The following KCTD21 variants were observed in gnomAD, a reference collection of about 807,000 sequenced individuals.
The protein encoded by KCTD21 is BTB/POZ domain-containing protein KCTD21.
KCTD21 carries 9 observed loss-of-function variants against 13.2 expected under a neutral mutation model. The ratio of observed to expected loss-of-function variants is 0.68; its 90% CI spans 0.41 to 1.19. KCTD21 has a LOEUF of 1.19. Ranked by LOEUF, KCTD21 falls within the 50% of genes most tolerant of loss-of-function variation. The pLI is 0.01. For missense variants in KCTD21, 303 were observed against 336.5 expected (o/e 0.90, Z 0.78); for synonymous variants, 142 against 137.4 (o/e 1.03, Z -0.23).
At chr11:78,179,553 C>A (rs1862555643) in intron 1 of KCTD21, among the ~76,000 whole-genome samples, 1 of 152,136 alleles carries the variant, frequency 6.6e-6, no homozygotes, top group Non-Finnish European at 1.5e-5. Context: ...AGAGCTCAGG[C>A]CTCATCCCTG....
chr11:78,187,478 C>A, intron 1 of KCTD21: 1 of 985,436 alleles, frequency 1.0e-6, no homozygotes, highest in Non-Finnish European at 1.2e-6. Flanking sequence ...ACCACGGAAT[C>A]TGGCACGGCA....
At chr11:78,174,827 TG>T in intron 1 of KCTD21, 1 of 375,862 alleles carries the variant, frequency 2.7e-6, no homozygotes, top group Non-Finnish European at 4.8e-6. Context: ...CCCTAAAGCC[TG>T]GGTCCCCCGC....
intron 1 of KCTD21, chr11:78,188,351 T>G: frequency 1.0e-6 from 1 of 983,822 alleles, no homozygotes; most frequent in Non-Finnish European, 1.2e-6. Context: ...CCGCCCTTGC[T>G]CTCCCAACAG....
intron 1 of KCTD21, among the ~76,000 whole-genome samples, chr11:78,182,304 C>CT (rs1862650103): frequency 7.0e-6 from 1 of 143,384 alleles, no homozygotes; most frequent in African/African-American, 2.6e-5. Context: ...AGCACCCCCC[C>CT]CCCCTCAAAA....
At chr11:78,182,070 G>A (rs548556184) in intron 1 of KCTD21, among the ~76,000 whole-genome samples, 9 of 152,306 alleles carry the variant, frequency 5.9e-5, no homozygotes, top group African/African-American at 2.2e-4. Flanking sequence ...CTTGCACTCA[G>A]GGGAGGGGTT....
At chr11:78,179,769 G>C (rs1017595273) in intron 1 of KCTD21, among the ~76,000 whole-genome samples, 3 of 152,036 alleles carry the variant, frequency 2.0e-5, no homozygotes, top group African/African-American at 7.3e-5. Context: ...GCTGTCCCTA[G>C]ACCACCCCTG....
chr11:78,180,592 T>C (rs1289535809), intron 1 of KCTD21, among the ~76,000 whole-genome samples: 1 of 152,218 alleles, frequency 6.6e-6, no homozygotes, highest in African/African-American at 2.4e-5. Context: ...CATGAAAAGA[T>C]GGTCAATATC....
chr11:78,173,534 T>G lies in KCTD21; in HGVS notation c.*238A>C. On this transcript the variant is annotated 3_prime_UTR_variant, in exon 2 of 2. Transcript: ENST00000340067. Reference sequence around the variant, plus strand: ...CCTTTAGTACACATCAGCTGACTCTTCACTTGTCATAATAAACCGCCTGTC... The same window carrying G: ...CCTTTAGTACACATCAGCTGACTCTGCACTTGTCATAATAAACCGCCTGTC... 1.4e-5 allele frequency: 7 copies of G among 507,098 alleles called. No individual in the cohort carries two copies. In the South Asian group the frequency reaches 1.7e-4, roughly 12 times the overall value. 31.4% of individuals were successfully genotyped at this position (507,098 alleles called of 1,614,324 possible). A position where few individuals can be genotyped will look rare whatever the true frequency, so the allele number is the denominator to read the frequency against.
chr11:78,179,835 C>A (rs573685582), intron 1 of KCTD21, among the ~76,000 whole-genome samples: 1 of 151,910 alleles, frequency 6.6e-6, no homozygotes, highest in African/African-American at 2.4e-5. Context: ...TATGAGTCAT[C>A]ACCTCTGTAC....
At chr11:78,188,159 A>C (rs1292634663) in intron 1 of KCTD21, 8 of 984,900 alleles carry the variant, frequency 8.1e-6, no homozygotes, top group Non-Finnish European at 8.4e-6. Flanking sequence ...TTCCTTCCCC[A>C]ATCTCACCCA....
At chr11:78,184,203 A>G (rs635357) in intron 1 of KCTD21, among the ~76,000 whole-genome samples, 1 of 152,238 alleles carries the variant, frequency 6.6e-6, no homozygotes, top group Non-Finnish European at 1.5e-5. Flanking sequence ...GCATTCATGG[A>G]TAGTAAGACC....
chr11:78,177,394 T>C (rs1186809417), intron 1 of KCTD21, among the ~76,000 whole-genome samples: 15 of 151,912 alleles, frequency 9.9e-5, no homozygotes, highest in Admixed American at 5.9e-4. Context: ...TGCGAGACGG[T>C]GGGGAGGTCC....
At chr11:78,179,589 C>T (rs1164018785) in intron 1 of KCTD21, among the ~76,000 whole-genome samples, 2 of 152,154 alleles carry the variant, frequency 1.3e-5, no homozygotes, top group Non-Finnish European at 2.9e-5. Flanking sequence ...CATCCTCACT[C>T]GGCTCCCTGC....
At position 78,174,527 on chromosome 11, in the gene KCTD21, C is replaced by A; in HGVS notation, c.28G>T (p.Gly10Trp). MSDPITLNV[G>W]GKLYTTSLAT... is the part of the protein sequence containing the mutation. ...AGTGAGGTTGTATAGAGCTTCCCCC[C>A]GACGTTCAGCGTGATGGGGTCGGAC... Residue 10 changes from glycine to tryptophan, a missense_variant, in exon 2 of 2, where the codon GGG becomes TGG. Transcript: ENST00000340067. 6.2e-7 allele frequency: 1 copy of A among 1,613,098 alleles called. No individual in the cohort carries two copies. Among genetic ancestry groups the A allele is most frequent in the Non-Finnish European group, 8.5e-7 (1 of 1,179,480 alleles).
intron 1 of KCTD21, among the ~76,000 whole-genome samples, chr11:78,185,036 C>A (rs1287265734): frequency 3.3e-5 from 5 of 152,174 alleles, no homozygotes; most frequent in African/African-American, 1.2e-4. Context: ...TTGCACCTGG[C>A]AGAAAATTTT....
At chr11:78,187,303 T>A in intron 1 of KCTD21, 1 of 985,278 alleles carries the variant, frequency 1.0e-6, no homozygotes, top group Non-Finnish European at 1.2e-6. Context: ...AAGAGCTGCG[T>A]CTATAATTCT....
intron 1 of KCTD21, among the ~76,000 whole-genome samples, chr11:78,179,446 T>C (rs1467024179): frequency 6.6e-6 from 1 of 150,708 alleles, no homozygotes; most frequent in Non-Finnish European, 1.5e-5. Flanking sequence ...TGTGAACTCT[T>C]CTGAGCCACC....
At chr11:78,175,976 A>G (rs1862441657) in intron 1 of KCTD21, among the ~76,000 whole-genome samples, 1 of 151,992 alleles carries the variant, frequency 6.6e-6, no homozygotes, top group Non-Finnish European at 1.5e-5. Flanking sequence ...GAGTGAGAAC[A>G]TGCGGTGTTT....
intron 1 of KCTD21, chr11:78,186,571 G>T: frequency 2.5e-6 from 1 of 398,036 alleles, no homozygotes; most frequent in Non-Finnish European, 3.3e-6. Context: ...ACACTACAAC[G>T]GCAATAATAA....
Sources: allele counts gnomAD v4.1 joint callset (sites outside exome capture counted in the v4.1 genomes callset), GRCh38; gene constraint gnomAD v4.1.1; transcripts MANE v1.5; gene names NCBI Gene and HGNC (gene_info 2026-07-23, HGNC 2026-07-21).